ATP6V0D2: variants seen among roughly 807,000 people sequenced by gnomAD.
ATP6V0D2 encodes ATPase H+ transporting V0 subunit d2, also known as V-type proton ATPase subunit d 2.
ATP6V0D2 carries 40 observed loss-of-function variants against 40.0 expected under a neutral mutation model. The ratio of observed to expected loss-of-function variants is 1.00; its 90% CI spans 0.78 to 1.30. The LOEUF is 1.30. Ranked by LOEUF, ATP6V0D2 falls within the 50% of genes most tolerant of loss-of-function variation. The pLI, the probability that ATP6V0D2 is intolerant of heterozygous loss-of-function variation, is 0.00. For missense variants in ATP6V0D2, 470 were observed against 423.1 expected, an observed-to-expected ratio of 1.11 and a Z score of -0.97; for synonymous variants, 179 against 156.3, an observed-to-expected ratio of 1.15 and a Z score of -1.08.
intron 2 of ATP6V0D2, among the ~76,000 whole-genome samples, chr8:86,122,796 G>T (rs1339285439): frequency 2.0e-5 from 3 of 152,190 alleles, no homozygotes; most frequent in African/African-American, 7.2e-5. Context: ...TAGATTGAAA[G>T]AATAAGTGAG....
At chr8:86,103,857 A>G (rs1818433173) in intron 1 of ATP6V0D2, among the ~76,000 whole-genome samples, 2 of 151,834 alleles carry the variant, frequency 1.3e-5, no homozygotes, top group East Asian at 3.9e-4. Context: ...ACAGAGTCTC[A>G]CTCTGTCACC....
At chr8:86,150,506 G>C (rs1374510113) in intron 6 of ATP6V0D2, among the ~76,000 whole-genome samples, 1 of 151,348 alleles carries the variant, frequency 6.6e-6, no homozygotes, top group African/African-American at 2.5e-5. Context: ...GCAAGTACTT[G>C]TTTAAATCTC....
At chr8:86,104,994 A>C (rs1346618259) in intron 1 of ATP6V0D2, among the ~76,000 whole-genome samples, 1 of 152,088 alleles carries the variant, frequency 6.6e-6, no homozygotes, top group Non-Finnish European at 1.5e-5. Context: ...CTTCAATCAC[A>C]AATTCCATCC....
intron 2 of ATP6V0D2, among the ~76,000 whole-genome samples, chr8:86,133,708 T>C (rs1333967764): frequency 2.0e-5 from 3 of 152,050 alleles, no homozygotes; most frequent in African/African-American, 7.2e-5. Flanking sequence ...CAGCAAATGC[T>C]CGATGGGGAC....
chr8:86,144,610 A>G (rs1819021405), intron 5 of ATP6V0D2, among the ~76,000 whole-genome samples: 1 of 152,176 alleles, frequency 6.6e-6, no homozygotes, highest in Non-Finnish European at 1.5e-5. Flanking sequence ...AGAAAAAGGA[A>G]ACAAAAAAGT....
At chr8:86,132,461 TCTC>T (rs1269931561) in intron 2 of ATP6V0D2, among the ~76,000 whole-genome samples, 1 of 152,056 alleles carries the variant, frequency 6.6e-6, no homozygotes, top group African/African-American at 2.4e-5. Context: ...TTAATCTACT[TCTC>T]CTCCTCTCCC....
At chr8:86,133,610 C>G (rs563607021) in intron 2 of ATP6V0D2, among the ~76,000 whole-genome samples, 3 of 151,806 alleles carry the variant, frequency 2.0e-5, no homozygotes, top group Non-Finnish European at 4.4e-5. Context: ...CGTGATTCAC[C>G]GCGCCTGGCC....
chr8:86,141,321 G>A, intron 3 of ATP6V0D2, 129 bp from the exon 4 acceptor site: 1 of 598,712 alleles, frequency 1.7e-6, no homozygotes, highest in South Asian at 2.2e-5. Flanking sequence ...ATTTAGTGGA[G>A]TGTATGGATT....
intron 2 of ATP6V0D2, among the ~76,000 whole-genome samples, chr8:86,118,090 T>C (rs1818619014): frequency 6.9e-6 from 1 of 145,546 alleles, no homozygotes; most frequent in Non-Finnish European, 1.5e-5. Context: ...TCTTTCTTTT[T>C]TTTTTTTTTT....
Position 86,153,043 on chromosome 8 carries a change from A to C in ATP6V0D2, c.*66A>C, listed in dbSNP as rs1417132594. On this transcript the variant is annotated 3_prime_UTR_variant, in exon 8 of 8. Coordinates refer to ENST00000285393, the MANE Select transcript of ATP6V0D2 (RefSeq NM_152565.1). ...AAAGGAAGTTATTGAAGAAAATAAA[A>C]GAAATTATGTTATATTATCTAGACT... The C allele has an allele frequency of 2.2e-6, 3 of 1,371,756 alleles. No individual in the cohort carries two copies. The African/African-American group carries it at 4.5e-5, about 20-fold the overall frequency. 85.0% of individuals were successfully genotyped at this position (1,371,756 alleles called of 1,614,324 possible).
At chr8:86,124,587 T>C (rs189237381) in intron 2 of ATP6V0D2, among the ~76,000 whole-genome samples, 1 of 152,294 alleles carries the variant, frequency 6.6e-6, no homozygotes, top group Admixed American at 6.5e-5. Flanking sequence ...GGGTCTACAA[T>C]ATACCAACTG....
intron 1 of ATP6V0D2, 36 bp from the exon 2 acceptor site, chr8:86,113,673 A>G: frequency 1.3e-6 from 2 of 1,554,436 alleles, no homozygotes; most frequent in South Asian, 2.4e-5. Flanking sequence ...TGTATGTTCA[A>G]AATTTAACCT....
At chr8:86,107,530 T>C (rs1818483704) in intron 1 of ATP6V0D2, among the ~76,000 whole-genome samples, 1 of 152,170 alleles carries the variant, frequency 6.6e-6, no homozygotes, top group Non-Finnish European at 1.5e-5. Context: ...ATCTATGAAA[T>C]AGGATTATTG....
At chr8:86,150,410 ATCAGTG>A (rs1348967799) in intron 6 of ATP6V0D2, 122 bp downstream of exon 6, 1 of 1,032,496 alleles carries the variant, frequency 9.7e-7, no homozygotes, top group East Asian at 2.5e-5. Context: ...TAAGGTAGCA[ATCAGTG>A]TTTCTTGCTG....
chr8:86,101,551 G>A (rs1195540004), intron 1 of ATP6V0D2, among the ~76,000 whole-genome samples: 1 of 151,284 alleles, frequency 6.6e-6, no homozygotes, highest in African/African-American at 2.4e-5. Flanking sequence ...TTTCTGCCAA[G>A]GTCCCTTTTA....
chr8:86,147,253 C>A (rs894166482), intron 5 of ATP6V0D2, among the ~76,000 whole-genome samples: 3 of 152,136 alleles, frequency 2.0e-5, no homozygotes, highest in Non-Finnish European at 4.4e-5. Context: ...CCCTTCTTCC[C>A]ATGAGGAACT....
At chr8:86,147,456 G>A (rs559315284) in intron 5 of ATP6V0D2, among the ~76,000 whole-genome samples, 68 of 152,242 alleles carry the variant, frequency 4.5e-4, no homozygotes, top group Non-Finnish European at 8.5e-4. Flanking sequence ...ACCACACAGC[G>A]TGCCAACTCT....
chr8:86,145,341 AGAAGGAAAGAAGGAAGGAAG>A (rs1276789538), intron 5 of ATP6V0D2, among the ~76,000 whole-genome samples: 4 of 88,840 alleles, frequency 4.5e-5, no homozygotes, highest in African/African-American at 1.2e-4. Context: ...AAAGAAGGAA[AGAAGGAAAGAAGGAAGGAAG>A]GAAGGAAGGA....
Position 86,148,482 on chromosome 8 carries a change from A to C in ATP6V0D2, c.640-1630A>C, listed in dbSNP as rs16890198. Among the ~76,000 whole-genome samples, 1,082 of 152,290 alleles carry C rather than the reference A, an allele frequency of 7.1e-3. 22 individuals carry two copies. The highest frequency in any genetic ancestry group is 0.024 in the African/African-American group (998 of 41,548). On this transcript the variant is annotated intron_variant, in intron 5 of 7. Transcript: ENST00000285393. ...GGTTTTGTTATAGGTTAACCAGTCA[A>C]AAGCTGATTAGAGGATAGCATACAG...
Sources: gnomAD v4.1 joint callset for allele counts (sites outside exome capture counted in the v4.1 genomes callset) on GRCh38, gnomAD v4.1.1 for gene constraint, MANE v1.5 for transcripts, NCBI Gene and HGNC (gene_info 2026-07-23, HGNC 2026-07-21) for gene names.